MNT: variants seen among roughly 807,000 people sequenced by gnomAD.
MNT encodes the protein max-binding protein MNT.
A neutral mutation model predicts 40.7 loss-of-function variants in MNT; 13 were observed. The ratio of observed to expected loss-of-function variants is 0.32; its 90% CI spans 0.21 to 0.51. The LOEUF (loss-of-function observed/expected upper bound fraction) is 0.51. MNT is among the 20% of genes least tolerant of loss of function. The pLI, the probability that MNT is intolerant of heterozygous loss-of-function variation, is 0.98. For missense variants in MNT, 757 were observed against 792.0 expected, an observed-to-expected ratio of 0.96 and a Z score of 0.53; for synonymous variants, 426 against 354.8, an observed-to-expected ratio of 1.20 and a Z score of -2.26.
intron 4 of MNT, chr17:2,389,910 A>T (rs903000097): frequency 5.9e-5 from 9 of 152,282 alleles, no homozygotes; most frequent in African/African-American, 2.2e-4. Flanking sequence ...CACACTGAGA[A>T]TGTAAGAACT....
chr17:2,399,550 G>C (rs1470768925), intron 1 of MNT, among the ~76,000 whole-genome samples: 1 of 152,154 alleles, frequency 6.6e-6, no homozygotes, highest in Non-Finnish European at 1.5e-5. Flanking sequence ...AGGTGAGCTC[G>C]GCTCCTCCCT....
At chr17:2,400,047 G>A (rs1445693199) in intron 1 of MNT, among the ~76,000 whole-genome samples, 2 of 152,178 alleles carry the variant, frequency 1.3e-5, no homozygotes, top group Non-Finnish European at 1.5e-5. Flanking sequence ...TTCTGCAAAG[G>A]CCGCCTCCGC....
At chr17:2,387,701 G>A (rs748434182) in intron 5 of MNT, 52 bp from the exon 6 acceptor site, 1 of 1,602,784 alleles carries the variant, frequency 6.2e-7, no homozygotes, top group Non-Finnish European at 8.5e-7. Context: ...GAAGCAAGTG[G>A]CTGGAGGCGT....
chr17:2,385,153 A>G lies in MNT; in HGVS notation c.*1748T>C, dbSNP rs1486949618. On this transcript the variant is annotated 3_prime_UTR_variant, in exon 6 of 6. Coordinates refer to ENST00000174618, the MANE Select transcript of MNT (RefSeq NM_020310.3). ...ACTGTCCCTTTACCCACACCAGGAGAGAGAAATAAGGAACAGTCCCCTGGG... is the reference window on the plus strand; with the variant it reads ...ACTGTCCCTTTACCCACACCAGGAGGGAGAAATAAGGAACAGTCCCCTGGG... The G allele has an allele frequency of 6.6e-6, 1 of 152,186 alleles. No homozygotes were observed. Among genetic ancestry groups the G allele is most frequent in the East Asian group, 1.9e-4 (1 of 5,188 alleles). 9.4% of individuals were successfully genotyped at this position (152,186 alleles called of 1,614,324 possible).
At chr17:2,394,525 C>T (rs1273938547) in intron 2 of MNT, among the ~76,000 whole-genome samples, 179 bp from the exon 3 acceptor site, 1 of 152,130 alleles carries the variant, frequency 6.6e-6, no homozygotes, top group African/African-American at 2.4e-5. Flanking sequence ...CACATCTGTG[C>T]TCATAATCAC....
At chr17:2,391,665 G>C (rs1320032286) in intron 4 of MNT, 1 of 152,436 alleles carries the variant, frequency 6.6e-6, no homozygotes, top group Non-Finnish European at 1.5e-5. Flanking sequence ...TCCGTATTCT[G>C]GCTGGGGACC....
chr17:2,387,897 G>A lies in MNT; in HGVS notation c.960C>T (p.Gly320=). ...LEIDRVLRQT[G]QPEDDQASTS... The stretch of plus-strand genomic sequence containing the variant: ...TGGAGGCCTGGTCATCCTCGGGCTG[G>A]CCCGTCTGCCGCAGCACGCGGTCAA... Residue 320 remains glycine (G), a synonymous_variant, in exon 5 of 6, where the codon GGC becomes GGT. Coordinates refer to ENST00000174618, the MANE Select transcript of MNT (RefSeq NM_020310.3). 1 of 1,604,500 alleles carries A rather than the reference G, an allele frequency of 6.2e-7. No homozygotes were observed. The highest frequency in any genetic ancestry group is 8.5e-7 in the Non-Finnish European group (1 of 1,179,050).
At chr17:2,391,889 T>G (rs2066518561) in intron 4 of MNT, 1 of 152,204 alleles carries the variant, frequency 6.6e-6, no homozygotes, top group South Asian at 2.1e-4. Flanking sequence ...CTTACTGCCT[T>G]GGCCTCCCGA....
intron 1 of MNT, among the ~76,000 whole-genome samples, chr17:2,398,987 T>G (rs978804993): frequency 3.4e-5 from 4 of 116,192 alleles, no homozygotes; most frequent in South Asian, 3.0e-4. Flanking sequence ...CCCCCGCCCC[T>G]TGCCCGCTGC....
chr17:2,388,635 C>T (rs2151665472), intron 4 of MNT, among the ~76,000 whole-genome samples: 1 of 152,194 alleles, frequency 6.6e-6, no homozygotes, highest in East Asian at 1.9e-4. Context: ...ACATGCTGCT[C>T]CCCATCACCC....
In MNT at chr17:2,387,475, G is replaced by A; in HGVS notation, c.1175C>T (p.Pro392Leu). ...PHPHPHSVAL[P>L]PAHLPVQQQQ... is the part of the protein sequence containing the mutation. ...CTGCTGCACGGGGAGGTGGGCAGGAGGTAGGGCCACGGAGTGGGGGTGAGG... is the reference window on the plus strand; with the variant it reads ...CTGCTGCACGGGGAGGTGGGCAGGAAGTAGGGCCACGGAGTGGGGGTGAGG... Residue 392 changes from proline (P) to leucine (L), a missense_variant, in exon 6 of 6, where the codon CCT (proline) becomes CTT (leucine). Coordinates refer to ENST00000174618, the MANE Select transcript of MNT (RefSeq NM_020310.3). 1 of 1,612,384 alleles carries A rather than the reference G, an allele frequency of 6.2e-7. No homozygotes were observed. Among genetic ancestry groups the A allele is most frequent in the Non-Finnish European group, 8.5e-7 (1 of 1,179,272 alleles).
chr17:2,395,147 G>C lies in MNT; in HGVS notation c.381C>G (p.Pro127=). ...APRQPALVGA[P]GLSIKEPAPL... ...GGGCAGGCTCCTTAATGCTGAGTCC[G>C]GGGGCGCCAACCAGGGCCGGCTGAC... is the stretch of plus-strand genomic sequence containing the variant. Residue 127 remains proline, a synonymous_variant, in exon 2 of 6, where the codon CCC becomes CCG. Coordinates refer to ENST00000174618, the MANE Select transcript of MNT (RefSeq NM_020310.3). 6.8e-7 allele frequency: 1 copy of C among 1,464,538 alleles called. No individual in the cohort carries two copies. The highest frequency in any genetic ancestry group is 2.4e-5 in the East Asian group (1 of 40,908). 90.7% of individuals were successfully genotyped at this position (1,464,538 alleles called of 1,614,324 possible).
intron 1 of MNT, among the ~76,000 whole-genome samples, chr17:2,398,375 G>C (rs746072115): frequency 3.9e-5 from 6 of 152,210 alleles, no homozygotes; most frequent in Non-Finnish European, 7.3e-5. Context: ...AGAAACCCAT[G>C]CTTGCGGTTG....
In MNT at chr17:2,387,413, G is replaced by T; in HGVS notation, c.1237C>A (p.Pro413Thr). The T allele has an allele frequency of 1.2e-6, 2 of 1,611,950 alleles. No homozygotes were observed. The highest frequency in any genetic ancestry group is 1.7e-6 in the Non-Finnish European group (2 of 1,178,922). The change falls in exon 6 of 6, where the codon CCT becomes ACT. Residue 413 changes from proline to threonine, a missense_variant. By Grantham distance (38) the Pro-to-Thr change is conservative. Transcript: ENST00000174618. ...TGGGCAGGGGCAGCCGGTGGGGGAG[G>T]AGGGGCTGGCAGAGGGGTCTTCTGC... ...PQQKTPLPAP[P>T]PPPAAPAQTL...
chr17:2,387,670 G>A, intron 5 of MNT, 21 bp from the exon 6 acceptor site: 1 of 1,613,422 alleles, frequency 6.2e-7, no homozygotes, highest in South Asian at 1.1e-5. Context: ...CATGGGGCAG[G>A]GAGCAGGTCA....
Position 2,387,297 on chromosome 17 carries a change from G to A in MNT, c.1353C>T (p.Val451=). Residue 451 remains valine, a synonymous_variant, in exon 6 of 6, where the codon GTC becomes GTT. Coordinates refer to ENST00000174618, the MANE Select transcript of MNT (RefSeq NM_020310.3). ...GCAGAACGTGGTTCACAGTCTGGAT[G>A]ACTGAAGCGTGAGTGGTGGCTGTGT... ...IAHTATTHAS[V]IQTVNHVLQG... The A allele has an allele frequency of 6.2e-7, 1 of 1,613,482 alleles. No homozygotes were observed. The highest frequency in any genetic ancestry group is 8.5e-7 in the Non-Finnish European group (1 of 1,179,836).
In MNT at chr17:2,386,833, G is replaced by A; in HGVS notation, c.*68C>T. 2 of 1,418,062 alleles carry A rather than the reference G, an allele frequency of 1.4e-6. No homozygotes were observed. The highest frequency in any genetic ancestry group is 1.9e-6 in the Non-Finnish European group (2 of 1,075,314). The allele number at this position is 1,418,062 out of a possible 1,614,324, so 87.8% of individuals were successfully genotyped here. On this transcript the variant is annotated 3_prime_UTR_variant, in exon 6 of 6. Coordinates refer to ENST00000174618, the MANE Select transcript of MNT (RefSeq NM_020310.3). ...GGCCTGGCTGGAATGTGTGGAGCTG[G>A]TGGGTGAGAGAGTGGGGGACAGGTC...
In MNT at chr17:2,395,420, TCGCTCCTGCTCCAAGCGAAGC is replaced by T. The variant is rs747820798; in HGVS notation, c.87_107del (p.Leu30_Arg36del). ...TATTGGCCTTCTTCTGTTCCTGCTC[TCGCTCCTGCTCCAAGCGAAGC>T]CGCTCCTGCTCCTCTACACAGAGAG... On this transcript the variant is annotated inframe_deletion, in exon 2 of 6. Coordinates refer to ENST00000174618, the MANE Select transcript of MNT (RefSeq NM_020310.3). 178 of 1,613,038 alleles carry T rather than the reference TCGCTCCTGCTCCAAGCGAAGC, an allele frequency of 1.1e-4. No homozygotes were observed. Among genetic ancestry groups the T allele is most frequent in the Middle Eastern group, 1.6e-4 (1 of 6,082 alleles).
At chr17:2,393,105 G>A (rs902179173) in intron 4 of MNT, among the ~76,000 whole-genome samples, 2 of 151,586 alleles carry the variant, frequency 1.3e-5, no homozygotes, top group African/African-American at 4.8e-5. Flanking sequence ...AGCTTCCTCA[G>A]AGGATGGACA....
Sources: allele counts gnomAD v4.1 joint callset (sites outside exome capture counted in the v4.1 genomes callset), GRCh38; gene constraint gnomAD v4.1.1; transcripts MANE v1.5; gene names NCBI Gene and HGNC (gene_info 2026-07-23, HGNC 2026-07-21).